The following FAM184B variants were observed in gnomAD, a reference collection of about 807,000 sequenced individuals.
FAM184B encodes the protein family with sequence similarity 184 member B.
FAM184B carries 111 observed loss-of-function variants against 135.9 expected under a neutral mutation model. That is an observed-to-expected ratio of 0.82 (90% CI 0.70 to 0.96). The LOEUF (loss-of-function observed/expected upper bound fraction) is 0.96. Among genes scored for constraint, FAM184B ranks in the 40% least tolerant of loss-of-function variants. The pLI is 0.00. For missense variants in FAM184B, 1,375 were observed against 1,323.9 expected (o/e 1.04, Z -0.60); for synonymous variants, 552 against 524.8 (o/e 1.05, Z -0.71).
chr4:17,739,901 A>G (rs1001027877), intron 1 of FAM184B, among the ~76,000 whole-genome samples: 3 of 151,958 alleles, frequency 2.0e-5, no homozygotes, highest in African/African-American at 7.3e-5. Context: ...TCTTTTATCT[A>G]AGAGGCGAAT....
At chr4:17,660,119 G>A (rs1177878821) in intron 8 of FAM184B, 32 bp from the exon 9 acceptor site, 2 of 1,549,802 alleles carry the variant, frequency 1.3e-6, no homozygotes, top group Admixed American at 2.0e-5. Context: ...AATCACAAAA[G>A]ATCCTAGGGC....
chr4:17,687,291 A>G (rs903933855), intron 7 of FAM184B, among the ~76,000 whole-genome samples: 3 of 152,202 alleles, frequency 2.0e-5, no homozygotes, highest in African/African-American at 4.8e-5. Context: ...AAATGGCCTG[A>G]AAATTGTAGG....
chr4:17,679,827 A>G (rs923918734), intron 7 of FAM184B, among the ~76,000 whole-genome samples: 2 of 152,194 alleles, frequency 1.3e-5, no homozygotes, highest in African/African-American at 2.4e-5. Flanking sequence ...TATACATACC[A>G]TGGAATACTA....
At chr4:17,657,953 G>A (rs961363369) in intron 10 of FAM184B, among the ~76,000 whole-genome samples, 7 of 152,044 alleles carry the variant, frequency 4.6e-5, no homozygotes, top group African/African-American at 1.2e-4. Context: ...CACTGCACCC[G>A]GCCTGAGCTG....
At chr4:17,717,983 T>C (rs1281196424) in intron 1 of FAM184B, among the ~76,000 whole-genome samples, 1 of 152,142 alleles carries the variant, frequency 6.6e-6, no homozygotes, top group Non-Finnish European at 1.5e-5. Context: ...AAAGTGAATG[T>C]TTTTATGCTT....
At chr4:17,749,562 A>G (rs1718248416) in intron 1 of FAM184B, among the ~76,000 whole-genome samples, 1 of 152,234 alleles carries the variant, frequency 6.6e-6, no homozygotes, top group South Asian at 2.1e-4. Flanking sequence ...ATCAATGGAA[A>G]CAGATATAAA....
intron 1 of FAM184B, among the ~76,000 whole-genome samples, chr4:17,738,926 C>T (rs1201742300): frequency 1.3e-5 from 2 of 152,242 alleles, no homozygotes; most frequent in Non-Finnish European, 2.9e-5. Context: ...CACACGCCAG[C>T]TCCCCTCAGC....
chr4:17,774,926 T>C lies in FAM184B; in HGVS notation c.141+6233A>G, dbSNP rs1041827832. Among the ~76,000 whole-genome samples, 7 of 152,016 alleles carry C rather than the reference T, an allele frequency of 4.6e-5. No individual in the cohort carries two copies. In the South Asian group the frequency reaches 1.0e-3, roughly 23 times the overall value. Reference sequence around the variant, plus strand: ...AATGAAATGCTTTGAGAGTAAGGCATCATACTTCCTTAAACGTAAGATCAG... The same window carrying C: ...AATGAAATGCTTTGAGAGTAAGGCACCATACTTCCTTAAACGTAAGATCAG... On this transcript the variant is annotated intron_variant, in intron 1 of 17. Coordinates refer to ENST00000265018, the MANE Select transcript of FAM184B (RefSeq NM_015688.2).
intron 10 of FAM184B, among the ~76,000 whole-genome samples, chr4:17,654,056 A>G (rs1011622185): frequency 6.6e-5 from 10 of 152,206 alleles, no homozygotes; most frequent in Admixed American, 2.0e-4. Flanking sequence ...AGTCTTTAGA[A>G]GGAACCAGCC....
In FAM184B at chr4:17,652,977, C is replaced by T. The variant is rs774707018; in HGVS notation, c.2044G>A (p.Glu682Lys). The change falls in exon 11 of 18, where the codon GAG becomes AAG. Residue 682 changes from glutamate to lysine, a missense_variant. Glu to Lys is a moderately conservative substitution (Grantham distance 56). Transcript: ENST00000265018. ...CTGGATTCCTTCTTCAAGCGTTCCT[C>T]TGTGGCCTGTGGGAAAAAGTGGGAA... is the stretch of plus-strand genomic sequence containing the variant. ...KARHQELKAT[E>K]ERLKKESSHS... 4.5e-6 allele frequency: 7 copies of T among 1,551,610 alleles called. No homozygotes were observed. Among genetic ancestry groups the T allele is most frequent in the Non-Finnish European group, 5.2e-6 (6 of 1,146,918 alleles).
In FAM184B at chr4:17,708,663, CTATATATATATATATATATATATATATA is replaced by C. The variant is rs60087211; in HGVS notation, c.894+201_894+228del. ...CCGTCTCAAAAATAAGGAAACAAAA[CTATATATATATATATATATATATATATA>C]TATATATATATATATATAGTGTCTG... On this transcript the variant is annotated intron_variant, in intron 2 of 17. Transcript: ENST00000265018. Among the ~76,000 whole-genome samples the C allele has an allele frequency of 2.6e-3, 44 of 16,990 alleles. 4 individuals are homozygous for C. The highest frequency in any genetic ancestry group is 7.6e-3 in the African/African-American group (33 of 4,358). 11.1% of individuals were successfully genotyped at this position (16,990 alleles called of 152,430 possible).
At position 17,636,398 on chromosome 4, in the gene FAM184B, C is replaced by G. The variant is rs909874195; in HGVS notation, c.2784+130G>C. On this transcript the variant is annotated intron_variant, in intron 15 of 17. Coordinates refer to ENST00000265018, the MANE Select transcript of FAM184B (RefSeq NM_015688.2). ...GATTACAGGCTTGAGCCACCGCGCA[C>G]GGCAAGAAAGGATTCTTTGTAAGAT... The G allele has an allele frequency of 1.9e-5, 14 of 754,922 alleles. No individual in the cohort carries two copies. The East Asian group carries it at 2.3e-4, about 12-fold the overall frequency. The allele number at this position is 754,922 out of a possible 1,614,324, so 46.8% of individuals were successfully genotyped here.
chr4:17,687,845 C>T (rs1187192598), intron 7 of FAM184B, among the ~76,000 whole-genome samples: 1 of 152,192 alleles, frequency 6.6e-6, no homozygotes, highest in Non-Finnish European at 1.5e-5. Context: ...GACCTCTGGC[C>T]TCCAGAACCG....
At position 17,721,445 on chromosome 4, in the gene FAM184B, G is replaced by A. The variant is rs376869493; in HGVS notation, c.142-11801C>T. Among the ~76,000 whole-genome samples the A allele has an allele frequency of 9.8e-4, 143 of 146,260 alleles. 4 individuals are homozygous for A. In the South Asian group the frequency reaches 0.017, roughly 17 times the overall value. On this transcript the variant is annotated intron_variant, in intron 1 of 17. Transcript: ENST00000265018. ...GCAGAAAGGGCATCCGAGTGCAGAG[G>A]ATACCCAAGTTGGGTTTGGAAAGGT...
intron 7 of FAM184B, among the ~76,000 whole-genome samples, chr4:17,673,124 A>G (rs546451063): frequency 1.3e-5 from 2 of 152,338 alleles, no homozygotes; most frequent in East Asian, 1.9e-4. Flanking sequence ...AAGGACATGA[A>G]TAGACAATTC....
chr4:17,658,683 T>C (rs1393539450), intron 9 of FAM184B, 121 bp from the exon 10 acceptor site: 5 of 949,960 alleles, frequency 5.3e-6, no homozygotes, highest in Non-Finnish European at 7.7e-6. Context: ...CTGTAGAGAC[T>C]CTGAAGGGAT....
chr4:17,649,136 T>C (rs1488493258), intron 11 of FAM184B, among the ~76,000 whole-genome samples: 2 of 152,220 alleles, frequency 1.3e-5, no homozygotes, highest in Non-Finnish European at 2.9e-5. Flanking sequence ...GCTCAACATA[T>C]ATTTGTAAAA....
intron 5 of FAM184B, among the ~76,000 whole-genome samples, chr4:17,697,105 C>T (rs1277203925): frequency 6.6e-6 from 1 of 152,130 alleles, no homozygotes; most frequent in Non-Finnish European, 1.5e-5. Context: ...AATCATCGCA[C>T]AGTCCATCAT....
At chr4:17,722,968 T>C (rs1717563839) in intron 1 of FAM184B, among the ~76,000 whole-genome samples, 1 of 152,218 alleles carries the variant, frequency 6.6e-6, no homozygotes, top group East Asian at 1.9e-4. Flanking sequence ...CAAATGGAAT[T>C]GCGAAAATTC....
Sources: gnomAD v4.1 joint callset for allele counts (sites outside exome capture counted in the v4.1 genomes callset) on GRCh38, gnomAD v4.1.1 for gene constraint, MANE v1.5 for transcripts, NCBI Gene and HGNC (gene_info 2026-07-23, HGNC 2026-07-21) for gene names.